Variants in HRH1 observed in about 807,000 individuals in gnomAD.
HRH1 encodes histamine H1 receptor.
Under a neutral mutation model 10.3 loss-of-function variants are expected in HRH1, and 6 were observed. The observed-to-expected ratio is 0.58, with a 90% confidence interval of 0.32 to 1.15. The LOEUF is 1.15. HRH1 is among the 50% of genes most tolerant of loss of function. HRH1 has a pLI of 0.05. For missense variants in HRH1, 514 were observed against 615.3 expected (o/e 0.84, Z 1.74); for synonymous variants, 242 against 236.7 (o/e 1.02, Z -0.21).
intron 1 of HRH1, among the ~76,000 whole-genome samples, chr3:11,210,005 G>T (rs1192859106): frequency 2.0e-5 from 3 of 152,228 alleles, no homozygotes; most frequent in Non-Finnish European, 4.4e-5. Flanking sequence ...GTGAGACACA[G>T]TGAAGACCTT....
intron 1 of HRH1, among the ~76,000 whole-genome samples, chr3:11,239,657 T>C (rs539739599): frequency 2.2e-4 from 34 of 152,192 alleles, no homozygotes; most frequent in Non-Finnish European, 2.9e-4. Flanking sequence ...TTTTTGTGTA[T>C]GATATAAGGG....
At chr3:11,183,497 C>T (rs901097210) in intron 1 of HRH1, among the ~76,000 whole-genome samples, 3 of 152,150 alleles carry the variant, frequency 2.0e-5, no homozygotes, top group Admixed American at 6.5e-5. Flanking sequence ...CAGCCCCCAA[C>T]ACAGAATTTT....
Position 11,259,898 on chromosome 3 carries a change from TG to T in HRH1, c.862del (p.Val288SerfsTer10). ...QTPKEMKSPV[V>X]FSQEDDREVD... ...CCCCCAAGGAGATGAAATCCCCAGT[TG>T]TCTTCAGCCAAGAGGATGATAGAGA... On this transcript the variant is annotated frameshift_variant, in exon 2 of 2. Coordinates refer to ENST00000431010, the MANE Select transcript of HRH1 (RefSeq NM_001098212.2). LOFTEE classifies it low-confidence loss of function (END_TRUNC). This position sits in a 1 kb window ranked among gnomAD's most constrained non-coding sequence, Gnocchi z 4.6. 1 of 1,614,128 alleles carries T rather than the reference TG, an allele frequency of 6.2e-7. No individual in the cohort carries two copies. Among genetic ancestry groups the T allele is most frequent in the Non-Finnish European group, 8.5e-7 (1 of 1,180,014 alleles).
At chr3:11,219,420 TA>T (rs1411950309) in intron 1 of HRH1, among the ~76,000 whole-genome samples, 1 of 151,932 alleles carries the variant, frequency 6.6e-6, no homozygotes, top group African/African-American at 2.4e-5. Context: ...TTGCCACAGT[TA>T]AAAATAAATA....
intron 1 of HRH1, among the ~76,000 whole-genome samples, chr3:11,188,120 C>T (rs544423069): frequency 2.6e-5 from 4 of 152,234 alleles, no homozygotes; most frequent in South Asian, 4.1e-4. Flanking sequence ...TTAGGATACA[C>T]GTGAACTATC....
At chr3:11,237,165 G>C (rs1290706581) in intron 1 of HRH1, among the ~76,000 whole-genome samples, 1 of 152,168 alleles carries the variant, frequency 6.6e-6, no homozygotes, top group African/African-American at 2.4e-5. Flanking sequence ...TGTTAGCACG[G>C]ATATCCATAT....
rs1939951524 is a variant in HRH1, at chr3:11,261,340, G to A, written c.*839G>A. The A allele has an allele frequency of 6.0e-6, 1 of 166,990 alleles. No individual in the cohort carries two copies. Among genetic ancestry groups the A allele is most frequent in the Non-Finnish European group, 1.5e-5 (1 of 68,102 alleles). The allele number at this position is 166,990 out of a possible 1,614,324, so 10.3% of individuals were successfully genotyped here. ...GGGGGCAGAATGCCATATTTTTGAG[G>A]GCTGTACTAGGTTTATCTCATTTAA... On this transcript the variant is annotated 3_prime_UTR_variant, in exon 2 of 2. Transcript: ENST00000431010.
intron 1 of HRH1, among the ~76,000 whole-genome samples, chr3:11,256,096 AG>A (rs1294073925): frequency 6.6e-6 from 1 of 152,102 alleles, no homozygotes; most frequent in Non-Finnish European, 1.5e-5. Context: ...GCTGAGGGGT[AG>A]GTAAGTGAGA....
chr3:11,164,513 GTGTTTTGTTTTGTTT>G (rs55637138), intron 1 of HRH1, among the ~76,000 whole-genome samples: 17 of 151,512 alleles, frequency 1.1e-4, no homozygotes, highest in Admixed American at 5.9e-4. Context: ...GAAATTGATG[GTGTTTTGTTTTGTTT>G]TGTTTTGTTT....
At chr3:11,179,967 T>C (rs1306263627) in intron 1 of HRH1, among the ~76,000 whole-genome samples, 2 of 152,014 alleles carry the variant, frequency 1.3e-5, no homozygotes, top group Non-Finnish European at 2.9e-5. Context: ...CTCACTGTGT[T>C]GCCCAGGCTG....
intron 1 of HRH1, among the ~76,000 whole-genome samples, chr3:11,166,936 C>G (rs865908301): frequency 1.3e-5 from 2 of 150,282 alleles, no homozygotes; most frequent in African/African-American, 4.9e-5. Context: ...CATCTCCTTC[C>G]CCTGGCTTCT....
Position 11,260,183 on chromosome 3 carries a change from A to T in HRH1, c.1146A>T (p.Thr382=), listed in dbSNP as rs1324350054. The part of the protein sequence containing the change: ...GKGKLRSGSN[T]GLDYIKFTWK... ...GCAAATTGAGGAGTGGGTCTAACAC[A>T]GGCCTGGATTACATCAAGTTTACTT... The change falls in exon 2 of 2, where the codon ACA becomes ACT. Residue 382 remains threonine (T), a synonymous_variant. Coordinates refer to ENST00000431010, the MANE Select transcript of HRH1 (RefSeq NM_001098212.2). 1 of 1,614,064 alleles carries T rather than the reference A, an allele frequency of 6.2e-7. No individual in the cohort carries two copies. The highest frequency in any genetic ancestry group is 8.5e-7 in the Non-Finnish European group (1 of 1,180,018).
intron 1 of HRH1, among the ~76,000 whole-genome samples, chr3:11,171,570 C>T (rs927785150): frequency 1.3e-5 from 2 of 152,222 alleles, no homozygotes; most frequent in African/African-American, 4.8e-5. Flanking sequence ...TGCATTTTAA[C>T]AAGCTCCCCG....
chr3:11,227,163 G>T (rs752666026), intron 1 of HRH1, among the ~76,000 whole-genome samples: 3 of 152,152 alleles, frequency 2.0e-5, no homozygotes, highest in Non-Finnish European at 4.4e-5. Flanking sequence ...GAACAGGGGT[G>T]ACCCCACATG....
Position 11,168,023 on chromosome 3 carries a change from T to TGTAAATGCAGGAGAGGAACCAA in HRH1, c.-36+13470_-36+13471insTAAATGCAGGAGAGGAACCAAG, listed in dbSNP as rs1574985105. 3.3e-5 allele frequency among the ~76,000 whole-genome samples: 5 copies of TGTAAATGCAGGAGAGGAACCAA among 151,870 alleles called. No individual in the cohort carries two copies. In the East Asian group the frequency reaches 7.8e-4, roughly 24 times the overall value. On this transcript the variant is annotated intron_variant, in intron 1 of 1. Transcript: ENST00000431010. ...AACCAAGGTGTAAGGTGAAATGCAG[T>TGTAAATGCAGGAGAGGAACCAA]GGTGAAGATGAGTGAAGAGCATGTG... is the stretch of plus-strand genomic sequence containing the variant.
intron 1 of HRH1, among the ~76,000 whole-genome samples, chr3:11,252,493 G>A (rs142906934): frequency 5.3e-5 from 8 of 152,152 alleles, no homozygotes; most frequent in Non-Finnish European, 2.9e-5. Flanking sequence ...TGGAGACTCC[G>A]TAAACCCCCG....
At chr3:11,174,514 C>T (rs949725682) in intron 1 of HRH1, among the ~76,000 whole-genome samples, 1 of 152,148 alleles carries the variant, frequency 6.6e-6, no homozygotes. Context: ...ATTGGGACTT[C>T]TTTTGACATG....
rs959745243 is a variant in HRH1 at position 11,260,617 on chromosome 3, A to C, written c.*116A>C. ...CTGGGCTTTCTGGAATCCAAACCAC[A>C]GTCTTAGGGGCTTGGTAGTTTGGAA... On this transcript the variant is annotated 3_prime_UTR_variant, in exon 2 of 2. Transcript: ENST00000431010. 1.2e-5 allele frequency: 11 copies of C among 912,684 alleles called. No homozygotes were observed. The African/African-American group carries it at 1.8e-4, about 15-fold the overall frequency. The allele number at this position is 912,684 out of a possible 1,614,324, so 56.5% of individuals were successfully genotyped here. A position where few individuals can be genotyped will look rare whatever the true frequency, so the allele number is the denominator to read the frequency against.
chr3:11,205,472 G>A (rs1341388865), intron 1 of HRH1, among the ~76,000 whole-genome samples: 1 of 152,164 alleles, frequency 6.6e-6, no homozygotes, highest in Non-Finnish European at 1.5e-5. Context: ...CTGGGCCTCA[G>A]TTTACTCCTC....
Sources: allele counts gnomAD v4.1 joint callset (sites outside exome capture counted in the v4.1 genomes callset), GRCh38; gene constraint gnomAD v4.1.1; non-coding constraint Gnocchi (gnomAD v3.1); transcripts MANE v1.5; gene names NCBI Gene and HGNC (gene_info 2026-07-23, HGNC 2026-07-21).